PCDH9: variants seen among roughly 807,000 people sequenced by gnomAD.
The protein encoded by PCDH9 is protocadherin 9.
Under a neutral mutation model 70.6 loss-of-function variants are expected in PCDH9, and 24 were observed. That is an observed-to-expected ratio of 0.34 (90% CI 0.25 to 0.48). PCDH9 has a LOEUF of 0.48. PCDH9 is among the 20% of genes least tolerant of loss of function. PCDH9 has a pLI of 0.99. For missense variants in PCDH9, 1,281 were observed against 1,503.6 expected (o/e 0.85, Z 2.45); for synonymous variants, 562 against 558.5 (o/e 1.01, Z -0.09).
intron 2 of PCDH9, among the ~76,000 whole-genome samples, chr13:66,971,915 T>G (rs1040927522): frequency 5.3e-5 from 8 of 151,986 alleles, no homozygotes; most frequent in Admixed American, 6.6e-5. Flanking sequence ...GTTAAAGGTG[T>G]ACCATATGGA....
intron 3 of PCDH9, among the ~76,000 whole-genome samples, chr13:66,753,841 T>A (rs971149775): frequency 5.9e-5 from 9 of 152,172 alleles, no homozygotes; most frequent in African/African-American, 2.2e-4. Flanking sequence ...ATAAGGTACC[T>A]AATCAAATCA....
intron 4 of PCDH9, among the ~76,000 whole-genome samples, chr13:66,324,966 A>G (rs559489225): frequency 6.6e-6 from 1 of 152,102 alleles, no homozygotes; most frequent in Non-Finnish European, 1.5e-5. Flanking sequence ...GTGGGATACT[A>G]GATGTCAGTA....
At chr13:66,984,055 T>C (rs934369920) in intron 2 of PCDH9, among the ~76,000 whole-genome samples, 4 of 152,130 alleles carry the variant, frequency 2.6e-5, no homozygotes, top group African/African-American at 4.8e-5. Context: ...CATTCTGCTA[T>C]AATTTATATA....
intron 4 of PCDH9, among the ~76,000 whole-genome samples, chr13:66,392,993 T>C (rs1239260331): frequency 6.6e-6 from 1 of 152,064 alleles, no homozygotes; most frequent in African/African-American, 2.4e-5. Flanking sequence ...AAATCTTGCA[T>C]GTTGTTTTAG....
At chr13:66,596,553 C>T (rs950267346) in intron 4 of PCDH9, among the ~76,000 whole-genome samples, 11 of 151,566 alleles carry the variant, frequency 7.3e-5, no homozygotes, top group African/African-American at 1.5e-4. Context: ...TAGACATTTG[C>T]TATTTGAAAT....
chr13:66,951,075 T>G (rs982197836), intron 2 of PCDH9, among the ~76,000 whole-genome samples: 2 of 152,208 alleles, frequency 1.3e-5, no homozygotes, highest in Non-Finnish European at 2.9e-5. Context: ...AAGTATGTGG[T>G]GCAATGGGCA....
intron 2 of PCDH9, among the ~76,000 whole-genome samples, chr13:67,051,954 A>G (rs2085333002): frequency 6.6e-6 from 1 of 152,168 alleles, no homozygotes; most frequent in Admixed American, 6.5e-5. Context: ...AGTGTTAGCT[A>G]TTATATGATA....
In PCDH9 at chr13:66,676,466, C is replaced by T. The variant is rs1593876945; in HGVS notation, c.3139-45055G>A. 1.3e-5 allele frequency among the ~76,000 whole-genome samples: 2 copies of T among 151,972 alleles called. 1 individual carries two copies. The highest frequency in any genetic ancestry group is 4.2e-4 in the South Asian group (2 of 4,816). ...AAGATATGAGGAAAAATTAAATACA[C>T]CTAACCAATAATACTTCCTGTAATT... On this transcript the variant is annotated intron_variant, in intron 3 of 4. Transcript: ENST00000377865.
At chr13:66,800,046 C>T (rs8000445) in intron 3 of PCDH9, among the ~76,000 whole-genome samples, 128,504 of 152,068 alleles carry the variant, frequency 0.85, 58,503 homozygotes, top group Non-Finnish European at 1. Flanking sequence ...ACAATTATAA[C>T]CCATAGCCCC....
intron 2 of PCDH9, among the ~76,000 whole-genome samples, chr13:67,158,337 G>A (rs761020714): frequency 4.3e-4 from 66 of 152,262 alleles, no homozygotes; most frequent in Non-Finnish European, 7.5e-4. Flanking sequence ...TTAAAAGTGC[G>A]AACTTATACT....
At chr13:66,809,543 C>T (rs1426096417) in intron 3 of PCDH9, among the ~76,000 whole-genome samples, 3 of 152,076 alleles carry the variant, frequency 2.0e-5, no homozygotes, top group African/African-American at 7.2e-5. Flanking sequence ...GCTTTCTCTC[C>T]CTATGGCTTG....
chr13:66,964,476 AT>A (rs1189230328), intron 2 of PCDH9, among the ~76,000 whole-genome samples: 1 of 152,038 alleles, frequency 6.6e-6, no homozygotes, highest in Admixed American at 6.6e-5. Context: ...TCACTGTCAA[AT>A]TCTCTACATT....
intron 2 of PCDH9, among the ~76,000 whole-genome samples, chr13:67,046,432 A>C (rs746435905): frequency 2.0e-5 from 3 of 152,198 alleles, no homozygotes; most frequent in Non-Finnish European, 4.4e-5. Flanking sequence ...GTTGAGTCAC[A>C]AATGCAAATA....
At chr13:66,428,383 T>C (rs187128540) in intron 4 of PCDH9, among the ~76,000 whole-genome samples, 4 of 151,856 alleles carry the variant, frequency 2.6e-5, no homozygotes, top group Admixed American at 2.6e-4. Context: ...AAATATGTAC[T>C]ATCCACTTGA....
At chr13:66,504,363 C>T (rs1481878662) in intron 4 of PCDH9, among the ~76,000 whole-genome samples, 2 of 152,096 alleles carry the variant, frequency 1.3e-5, no homozygotes, top group African/African-American at 4.8e-5. Flanking sequence ...CTTTCAGTTT[C>T]TCCCTTCAAA....
At chr13:66,801,308 A>G (rs374675999) in intron 3 of PCDH9, among the ~76,000 whole-genome samples, 1 of 152,120 alleles carries the variant, frequency 6.6e-6, no homozygotes, top group Non-Finnish European at 1.5e-5. Flanking sequence ...GTAGTGACCA[A>G]TAGAAAATAA....
At chr13:67,199,595 G>T (rs1385405402) in intron 2 of PCDH9, among the ~76,000 whole-genome samples, 3 of 151,872 alleles carry the variant, frequency 2.0e-5, no homozygotes, top group African/African-American at 7.3e-5. Flanking sequence ...TACAGCTCAT[G>T]AAAAAATATT....
At chr13:66,967,740 AT>A (rs1172776489) in intron 2 of PCDH9, among the ~76,000 whole-genome samples, 1 of 152,102 alleles carries the variant, frequency 6.6e-6, no homozygotes, top group Non-Finnish European at 1.5e-5. Flanking sequence ...TGATCATTGT[AT>A]TTTAACCTGT....
chr13:67,161,645 G>C (rs1313403948), intron 2 of PCDH9, among the ~76,000 whole-genome samples: 5 of 152,116 alleles, frequency 3.3e-5, no homozygotes, highest in Admixed American at 2.0e-4. Flanking sequence ...GGGAACTGTT[G>C]ACCGTAGAAT....
Sources: allele counts gnomAD v4.1 joint callset (sites outside exome capture counted in the v4.1 genomes callset), GRCh38; gene constraint gnomAD v4.1.1; transcripts MANE v1.5; gene names NCBI Gene and HGNC (gene_info 2026-07-23, HGNC 2026-07-21).